Variants in MEGF9 observed in about 807,000 individuals in gnomAD.
MEGF9 encodes the protein multiple EGF like domains 9.
A neutral mutation model predicts 46.8 loss-of-function variants in MEGF9; 6 were observed. That is an observed-to-expected ratio of 0.13 (90% CI 0.07 to 0.25). The LOEUF (loss-of-function observed/expected upper bound fraction) is 0.25. Among genes scored for constraint, MEGF9 ranks in the 10% least tolerant of loss-of-function variants. MEGF9 has a pLI of 1.00. For missense variants in MEGF9, 683 were observed against 792.4 expected, an observed-to-expected ratio of 0.86 and a Z score of 1.66; for synonymous variants, 302 against 330.7, an observed-to-expected ratio of 0.91 and a Z score of 0.94.
In MEGF9 at chr9:120,630,729, G is replaced by T. The variant is rs73550184; in HGVS notation, c.804-7974C>A. Among the ~76,000 whole-genome samples, 1,017 of 152,280 alleles carry T rather than the reference G, an allele frequency of 6.7e-3. 15 individuals carry two copies. The highest frequency in any genetic ancestry group is 0.023 in the African/African-American group (963 of 41,558). ...AATGGGGGTGAGATGACATCTCATT[G>T]TAGTTTTGATTTGTACTTCTCTGAT... On this transcript the variant is annotated intron_variant, in intron 2 of 5. Coordinates refer to ENST00000373930, the MANE Select transcript of MEGF9 (RefSeq NM_001080497.3).
intron 3 of MEGF9, among the ~76,000 whole-genome samples, chr9:120,616,486 C>T (rs1031352576): frequency 6.6e-5 from 10 of 151,766 alleles, no homozygotes; most frequent in Non-Finnish European, 7.4e-5. Flanking sequence ...AAGACCATCC[C>T]GGCTAACACG....
At chr9:120,702,943 A>G (rs974206886) in intron 1 of MEGF9, among the ~76,000 whole-genome samples, 3 of 152,218 alleles carry the variant, frequency 2.0e-5, no homozygotes, top group African/African-American at 7.2e-5. Flanking sequence ...GAACTAATGA[A>G]AGAACTTAGG....
chr9:120,693,292 A>AAAGAAG (rs1554799316), intron 1 of MEGF9, among the ~76,000 whole-genome samples: 8 of 147,548 alleles, frequency 5.4e-5, no homozygotes, highest in East Asian at 1.9e-4. Context: ...AAAAAAAAAA[A>AAAGAAG]AAGAAGAAGA....
intron 2 of MEGF9, among the ~76,000 whole-genome samples, chr9:120,648,824 T>C (rs1345232057): frequency 6.6e-6 from 1 of 152,244 alleles, no homozygotes; most frequent in Non-Finnish European, 1.5e-5. Flanking sequence ...TATATGAATG[T>C]AAGCCTCCGA....
chr9:120,687,609 G>A (rs545831063), intron 1 of MEGF9, among the ~76,000 whole-genome samples: 14 of 151,432 alleles, frequency 9.2e-5, no homozygotes, highest in African/African-American at 3.1e-4. Flanking sequence ...CAATAAAATG[G>A]TGAGTTTAAA....
intron 2 of MEGF9, among the ~76,000 whole-genome samples, chr9:120,657,765 T>G (rs1209747603): frequency 6.6e-6 from 1 of 152,210 alleles, no homozygotes. Context: ...CATTATAGAA[T>G]CTACATGCTA....
At chr9:120,655,525 T>C (rs769272076) in intron 2 of MEGF9, among the ~76,000 whole-genome samples, 7 of 152,170 alleles carry the variant, frequency 4.6e-5, no homozygotes, top group African/African-American at 1.4e-4. Flanking sequence ...TTAAGTAACG[T>C]AGTAATAATA....
chr9:120,657,052 C>T (rs2043680622), intron 2 of MEGF9, among the ~76,000 whole-genome samples: 1 of 152,196 alleles, frequency 6.6e-6, no homozygotes, highest in South Asian at 2.1e-4. Context: ...TCCAAAAAGG[C>T]CAAATAGTAA....
At chr9:120,660,142 CA>C (rs1453174864) in intron 1 of MEGF9, among the ~76,000 whole-genome samples, 1 of 151,928 alleles carries the variant, frequency 6.6e-6, no homozygotes, top group Non-Finnish European at 1.5e-5. Context: ...ATGTCTTTCC[CA>C]AATTAAAATA....
intron 1 of MEGF9, among the ~76,000 whole-genome samples, chr9:120,659,950 T>C (rs1390740406): frequency 6.6e-6 from 1 of 150,848 alleles, no homozygotes. Context: ...AGCCTAAGGC[T>C]CAGATGATTA....
At chr9:120,648,076 G>T (rs2043633387) in intron 2 of MEGF9, among the ~76,000 whole-genome samples, 1 of 151,982 alleles carries the variant, frequency 6.6e-6, no homozygotes, top group African/African-American at 2.4e-5. Context: ...CTCTTGCTTA[G>T]ATTGTTACAA....
chr9:120,607,404 A>G (rs1362105146), intron 5 of MEGF9, among the ~76,000 whole-genome samples: 5 of 152,226 alleles, frequency 3.3e-5, no homozygotes, highest in Non-Finnish European at 7.3e-5. Flanking sequence ...AAGACCTTTG[A>G]TGATCCCTCA....
intron 1 of MEGF9, among the ~76,000 whole-genome samples, chr9:120,689,570 T>C (rs2043839192): frequency 6.6e-6 from 1 of 151,924 alleles, no homozygotes; most frequent in Non-Finnish European, 1.5e-5. Flanking sequence ...GAGATGAAGA[T>C]AGCCAGAAAA....
Position 120,714,349 on chromosome 9 carries a change from C to G in MEGF9, c.10G>C (p.Gly4Arg). ...AGGCTCCTCATGGCGCGCTCGGCTC[C>G]GCCATTCATTCATTCAGCCAGTCGG... The part of the protein sequence containing the change: MNG[G>R]AERAMRSLPS... Residue 4 changes from glycine to arginine, a missense_variant, in exon 1 of 6, where the codon GGA becomes CGA. Physicochemically the swap from Gly to Arg is moderately radical, Grantham distance 125 (BLOSUM62 -2). Coordinates refer to ENST00000373930, the MANE Select transcript of MEGF9 (RefSeq NM_001080497.3). The G allele has an allele frequency of 7.4e-7, 1 of 1,342,658 alleles. No homozygotes were observed. The highest frequency in any genetic ancestry group is 9.6e-7 in the Non-Finnish European group (1 of 1,045,342). 83.2% of individuals were successfully genotyped at this position (1,342,658 alleles called of 1,614,324 possible).
rs1351633336 is a variant in MEGF9 at position 120,604,351 on chromosome 9, C to T, written c.*839G>A. 6.6e-6 allele frequency: 1 copy of T among 152,488 alleles called. No homozygotes were observed. Among genetic ancestry groups the T allele is most frequent in the African/African-American group, 2.4e-5 (1 of 41,438 alleles). The allele number at this position is 152,488 out of a possible 1,614,324, so 9.4% of individuals were successfully genotyped here. A position where few individuals can be genotyped will look rare whatever the true frequency, so the allele number is the denominator to read the frequency against. ...AGCAATCCCCATATTTTTCTTTTTA[C>T]AACACCATTAACTGCTGTACAAATA... is the stretch of plus-strand genomic sequence containing the variant. On this transcript the variant is annotated 3_prime_UTR_variant, in exon 6 of 6. Transcript: ENST00000373930.
chr9:120,684,878 G>T (rs1187655110), intron 1 of MEGF9, among the ~76,000 whole-genome samples: 1 of 149,586 alleles, frequency 6.7e-6, no homozygotes, highest in East Asian at 2.0e-4. Context: ...CTCTCTCCCA[G>T]TCTGGAGTGC....
intron 1 of MEGF9, among the ~76,000 whole-genome samples, 164 bp from the exon 2 acceptor site, chr9:120,659,739 TAAATC>T (rs1412557361): frequency 6.6e-6 from 1 of 151,900 alleles, no homozygotes; most frequent in African/African-American, 2.4e-5. Context: ...TTAGTTTACT[TAAATC>T]AGGAAACATA....
intron 3 of MEGF9, among the ~76,000 whole-genome samples, chr9:120,622,096 AG>A (rs2043502110): frequency 6.6e-6 from 1 of 152,212 alleles, no homozygotes; most frequent in African/African-American, 2.4e-5. Flanking sequence ...AAAGAGAAAG[AG>A]ATTTTTTTCT....
chr9:120,616,857 T>C (rs2132301404), intron 3 of MEGF9, among the ~76,000 whole-genome samples: 1 of 152,318 alleles, frequency 6.6e-6, no homozygotes, highest in East Asian at 1.9e-4. Flanking sequence ...AATGTGAGCA[T>C]TTCAAAGGGT....
Sources: allele counts gnomAD v4.1 joint callset (sites outside exome capture counted in the v4.1 genomes callset), GRCh38; gene constraint gnomAD v4.1.1; transcripts MANE v1.5; gene names NCBI Gene and HGNC (gene_info 2026-07-23, HGNC 2026-07-21).